KIF26B: variants seen among roughly 807,000 people sequenced by gnomAD.
KIF26B encodes the protein kinesin-like protein KIF26B.
Under a neutral mutation model 151.2 loss-of-function variants are expected in KIF26B, and 63 were observed. That is an observed-to-expected ratio of 0.42 (90% CI 0.34 to 0.51). KIF26B has a LOEUF of 0.51. Among genes scored for constraint, KIF26B ranks in the 20% least tolerant of loss-of-function variants. The pLI is 0.07. For synonymous variants in KIF26B, 1,357 were observed against 1,262.1 expected (o/e 1.08, Z -1.59); for missense variants, 2,813 against 2,913.6 (o/e 0.97, Z 0.79).
At chr1:245,605,397 C>T (rs576023711) in intron 6 of KIF26B, among the ~76,000 whole-genome samples, 22 of 152,318 alleles carry the variant, frequency 1.4e-4, no homozygotes, top group African/African-American at 5.0e-4. Context: ...TCATTTTCAG[C>T]CTGTGAAGCC....
chr1:245,594,700 T>C (rs2043322449), intron 5 of KIF26B, among the ~76,000 whole-genome samples: 1 of 152,216 alleles, frequency 6.6e-6, no homozygotes, highest in Non-Finnish European at 1.5e-5. Context: ...TCTAATTCTA[T>C]GAAGAAAGTC....
At chr1:245,637,475 C>A (rs1446633544) in intron 9 of KIF26B, among the ~76,000 whole-genome samples, 4 of 151,942 alleles carry the variant, frequency 2.6e-5, no homozygotes, top group Non-Finnish European at 5.9e-5. Flanking sequence ...GTTATCTTTT[C>A]ACTTTGTTGT....
rs1292083519 is a variant in KIF26B, at chr1:245,606,891, C to G, written c.1558-760C>G. On this transcript the variant is annotated intron_variant, in intron 6 of 14. Transcript: ENST00000407071. The surrounding 1 kb of genome is among the most constrained non-coding windows in gnomAD (Gnocchi z 4.6). ...CAGCCTGACCAACGTGGTGAAACCCCCTCTCTACTAAAAAAATGCAAAAAA... is the reference window on the plus strand; with the variant it reads ...CAGCCTGACCAACGTGGTGAAACCCGCTCTCTACTAAAAAAATGCAAAAAA... Among the ~76,000 whole-genome samples the G allele has an allele frequency of 6.6e-6, 1 of 151,706 alleles. No homozygotes were observed. Among genetic ancestry groups the G allele is most frequent in the Non-Finnish European group, 1.5e-5 (1 of 67,930 alleles).
At chr1:245,688,830 G>C in intron 12 of KIF26B, 23 bp downstream of exon 12, 3 of 1,545,892 alleles carry the variant, frequency 1.9e-6, no homozygotes, top group Non-Finnish European at 2.6e-6. Flanking sequence ...GCGCAGGGAC[G>C]CGGGTGAGGA....
chr1:245,355,693 A>C (rs911853016), intron 2 of KIF26B, among the ~76,000 whole-genome samples: 8 of 152,164 alleles, frequency 5.3e-5, no homozygotes, highest in African/African-American at 1.9e-4. Flanking sequence ...GTGAAAAGAC[A>C]TCTGCATTCT....
intron 10 of KIF26B, among the ~76,000 whole-genome samples, chr1:245,651,986 A>T (rs1281765445): frequency 6.6e-6 from 1 of 152,158 alleles, no homozygotes; most frequent in Admixed American, 6.5e-5. Flanking sequence ...ACTTGGATGT[A>T]TATTACTTAG....
intron 10 of KIF26B, among the ~76,000 whole-genome samples, chr1:245,672,871 T>C (rs2044305531): frequency 1.3e-5 from 2 of 150,696 alleles, no homozygotes; most frequent in Middle Eastern, 3.4e-3. Context: ...TCAAATCCAT[T>C]GTTTTTTTTT....
chr1:245,467,311 C>G (rs376752060), intron 4 of KIF26B, among the ~76,000 whole-genome samples: 3 of 152,230 alleles, frequency 2.0e-5, no homozygotes, highest in Non-Finnish European at 4.4e-5. Flanking sequence ...TCGGTCTCAT[C>G]CCATTCAGAT....
In KIF26B at chr1:245,688,565, A is replaced by ACCGCTGCAGCAGCGG. The variant is rs760408152; in HGVS notation, c.5585_5599dup (p.Arg1862_Gly1866dup). ...AAGATCACGCCCCCGCGGAGGCCCC[A>ACCGCTGCAGCAGCGG]CCGCTGCAGCAGCGGCCACGGCAGC... On this transcript the variant is annotated inframe_insertion, in exon 12 of 15. Coordinates refer to ENST00000407071, the MANE Select transcript of KIF26B (RefSeq NM_018012.4). 3 of 1,553,526 alleles carry ACCGCTGCAGCAGCGG rather than the reference A, an allele frequency of 1.9e-6. No individual in the cohort carries two copies. Among genetic ancestry groups the ACCGCTGCAGCAGCGG allele is most frequent in the Non-Finnish European group, 2.6e-6 (3 of 1,152,422 alleles).
At chr1:245,325,520 C>A (rs544941506) in intron 2 of KIF26B, among the ~76,000 whole-genome samples, 12 of 152,178 alleles carry the variant, frequency 7.9e-5, no homozygotes, top group African/African-American at 2.9e-4. Flanking sequence ...CGAGACCAGC[C>A]TGACCAACAT....
At position 245,686,615 on chromosome 1, in the gene KIF26B, TCAGCTTCAA is replaced by T. The variant is rs2044525075; in HGVS notation, c.3637_3645del (p.Phe1213_Ser1215del). ...GACAGCGGCCGCCCCACCAGCATCATCAGCTTCAACAGCGACTGCTCTGCACGGGCCCTG... is the reference window on the plus strand; with the variant it reads ...GACAGCGGCCGCCCCACCAGCATCATCAGCGACTGCTCTGCACGGGCCCTG... On this transcript the variant is annotated inframe_deletion, in exon 12 of 15. Coordinates refer to ENST00000407071, the MANE Select transcript of KIF26B (RefSeq NM_018012.4). This position sits in a 1 kb window ranked among gnomAD's most constrained non-coding sequence, Gnocchi z 5.6. 2 of 1,611,400 alleles carry T rather than the reference TCAGCTTCAA, an allele frequency of 1.2e-6. No individual in the cohort carries two copies. Among genetic ancestry groups the T allele is most frequent in the Non-Finnish European group, 1.7e-6 (2 of 1,179,234 alleles).
At chr1:245,224,289 G>A (rs55694360) in intron 2 of KIF26B, among the ~76,000 whole-genome samples, 58,139 of 147,678 alleles carry the variant, frequency 0.39, 11,894 homozygotes, top group East Asian at 0.71. Flanking sequence ...CCGTCTCAAA[G>A]AAAAAAAAAA....
rs146615933 is a variant in KIF26B at position 245,630,812 on chromosome 1, T to C, written c.2099-15309T>C. Among the ~76,000 whole-genome samples the C allele has an allele frequency of 2.2e-3, 331 of 152,314 alleles. 1 individual carries two copies. Among genetic ancestry groups the C allele is most frequent in the African/African-American group, 7.6e-3 (316 of 41,570 alleles). ...GAGCATGGGATGTCTTTTCATTTTTTTCTATGTTCTTCAATTTTTTTATCA... is the reference window on the plus strand; with the variant it reads ...GAGCATGGGATGTCTTTTCATTTTTCTCTATGTTCTTCAATTTTTTTATCA... On this transcript the variant is annotated intron_variant, in intron 9 of 14. Transcript: ENST00000407071.
At chr1:245,586,689 C>T (rs1000392840) in intron 5 of KIF26B, among the ~76,000 whole-genome samples, 6 of 151,876 alleles carry the variant, frequency 4.0e-5, no homozygotes, top group African/African-American at 1.2e-4. Flanking sequence ...CGAGACCATC[C>T]TGGCTAACAA....
chr1:245,184,110 C>G (rs1371223377), intron 2 of KIF26B, among the ~76,000 whole-genome samples: 1 of 92,388 alleles, frequency 1.1e-5, no homozygotes, highest in Non-Finnish European at 2.2e-5. Flanking sequence ...TCCAAGTCCC[C>G]CAAGGATCAG....
intron 10 of KIF26B, among the ~76,000 whole-genome samples, chr1:245,661,611 A>G (rs1470414110): frequency 2.6e-5 from 4 of 151,440 alleles, no homozygotes; most frequent in Admixed American, 1.3e-4. Flanking sequence ...CCAATGATAT[A>G]TATATACACA....
chr1:245,650,258 G>A (rs12046468), intron 10 of KIF26B, among the ~76,000 whole-genome samples: 6,692 of 152,260 alleles, frequency 0.044, 183 homozygotes, highest in South Asian at 0.1. Flanking sequence ...TTCTTTATTC[G>A]GTACATTCAT....
At chr1:245,176,019 T>A (rs1000689726) in intron 2 of KIF26B, among the ~76,000 whole-genome samples, 1 of 151,008 alleles carries the variant, frequency 6.6e-6, no homozygotes, top group African/African-American at 2.4e-5. Flanking sequence ...TATAGATATT[T>A]TTTTTGAGAC....
chr1:245,293,118 A>ATG (rs753844237), intron 2 of KIF26B, among the ~76,000 whole-genome samples: 72 of 151,934 alleles, frequency 4.7e-4, no homozygotes, highest in Non-Finnish European at 1.9e-4. Context: ...GTGTGTGTGT[A>ATG]TGTGTGTGTG....
Sources: gnomAD v4.1 joint callset for allele counts (sites outside exome capture counted in the v4.1 genomes callset) on GRCh38, gnomAD v4.1.1 for gene constraint, Gnocchi (gnomAD v3.1) non-coding constraint, MANE v1.5 for transcripts, NCBI Gene and HGNC (gene_info 2026-07-23, HGNC 2026-07-21) for gene names.